FAF2: variants seen among roughly 807,000 people sequenced by gnomAD.
FAF2 encodes the protein FAS-associated factor 2.
In FAF2, 9 loss-of-function variants were observed where a neutral mutation model predicts 62.3. That is an observed-to-expected ratio of 0.14 (90% CI 0.09 to 0.25). The LOEUF (loss-of-function observed/expected upper bound fraction) is 0.25, where lower values mean the gene tolerates loss of function less well. Among genes scored for constraint, FAF2 ranks in the 10% least tolerant of loss-of-function variants. The pLI is 1.00. For synonymous variants in FAF2, 202 were observed against 198.0 expected (o/e 1.02, Z -0.17); for missense variants, 368 against 556.2 (o/e 0.66, Z 3.40).
intron 1 of FAF2, among the ~76,000 whole-genome samples, chr5:176,477,534 A>G (rs772291296): frequency 3.9e-5 from 6 of 152,206 alleles, no homozygotes; most frequent in Non-Finnish European, 7.3e-5. Flanking sequence ...AGAGTCCTGT[A>G]ATGGTCAGGA....
intron 1 of FAF2, among the ~76,000 whole-genome samples, chr5:176,473,729 G>A (rs114032953): frequency 0.015 from 2,236 of 152,136 alleles, 51 homozygotes; most frequent in African/African-American, 0.051. Context: ...AAAATTGTTC[G>A]AGCTTTAGTC....
At chr5:176,457,223 G>C (rs1394301561) in intron 1 of FAF2, among the ~76,000 whole-genome samples, 2 of 152,028 alleles carry the variant, frequency 1.3e-5, no homozygotes, top group Non-Finnish European at 2.9e-5. Context: ...GAGTTTCGCT[G>C]TTGTCCCCAG....
chr5:176,468,326 T>C (rs963054400), intron 1 of FAF2, among the ~76,000 whole-genome samples: 2 of 152,210 alleles, frequency 1.3e-5, no homozygotes, highest in African/African-American at 2.4e-5. Context: ...GGCTCATGCC[T>C]ATAATCCCAG....
Position 176,496,473 on chromosome 5 carries a change from G to A in FAF2, c.662-13G>A. The A allele has an allele frequency of 1.3e-5, 20 of 1,555,350 alleles. No individual in the cohort carries two copies. Among genetic ancestry groups the A allele is most frequent in the Non-Finnish European group, 1.6e-5 (19 of 1,152,760 alleles). On this transcript the variant is annotated splice_polypyrimidine_tract_variant and intron_variant, in intron 7 of 10. Coordinates refer to ENST00000261942, the MANE Select transcript of FAF2 (RefSeq NM_014613.3). ...TCAAGTCCTGCCCTTGATCTGTTGG[G>A]TCTTTTTATCAGTCTCACAGGCTTT...
chr5:176,502,851 C>T (rs983320061), intron 10 of FAF2, among the ~76,000 whole-genome samples: 22 of 151,716 alleles, frequency 1.5e-4, no homozygotes, highest in Non-Finnish European at 2.6e-4. Flanking sequence ...AGTTCCAAAC[C>T]AGCCTGGCCA....
At position 176,494,028 on chromosome 5, in the gene FAF2, C is replaced by A. The variant is rs759222479; in HGVS notation, c.513C>A (p.Arg171=). The change falls in exon 6 of 11, where the codon CGC becomes CGA. Residue 171 remains arginine (R), a synonymous_variant. Coordinates refer to ENST00000261942, the MANE Select transcript of FAF2 (RefSeq NM_014613.3). This position sits in a 1 kb window ranked among gnomAD's most constrained non-coding sequence, Gnocchi z 4.0. ...QALNDAKREL[R]FLLVYLHGDD... ...TTAACGATGCCAAAAGGGAGCTTCG[C>A]TTTCTTTTGGTTTATCTTCATGGAG... The A allele has an allele frequency of 6.2e-7, 1 of 1,613,996 alleles. No homozygotes were observed. Among genetic ancestry groups the A allele is most frequent in the South Asian group, 1.1e-5 (1 of 91,062 alleles).
intron 1 of FAF2, among the ~76,000 whole-genome samples, chr5:176,467,117 GT>G (rs71583546): frequency 6.1e-3 from 712 of 117,572 alleles, no homozygotes; most frequent in Middle Eastern, 0.016. Flanking sequence ...CCCAATGGCT[GT>G]TTTTTTTTTC....
In FAF2 at chr5:176,467,734, T is replaced by G. The variant is rs28712096; in HGVS notation, c.64-11454T>G. ...ACTTTGACATAATTCTTTTCAAAGA[T>G]TCAGTATTCTCAATTGATAATGGGC... is the stretch of plus-strand genomic sequence containing the variant. On this transcript the variant is annotated intron_variant, in intron 1 of 10. Transcript: ENST00000261942. 5.5e-3 allele frequency among the ~76,000 whole-genome samples: 835 copies of G among 152,368 alleles called. 8 individuals are homozygous for G. The highest frequency in any genetic ancestry group is 0.018 in the African/African-American group (760 of 41,586).
At chr5:176,478,010 T>C (rs1160386953) in intron 1 of FAF2, among the ~76,000 whole-genome samples, 1 of 152,186 alleles carries the variant, frequency 6.6e-6, no homozygotes, top group African/African-American at 2.4e-5. Context: ...CTGTACAGAA[T>C]AGGCATGTAG....
intron 3 of FAF2, among the ~76,000 whole-genome samples, chr5:176,488,699 A>T (rs1448965957): frequency 4.6e-5 from 7 of 152,180 alleles, no homozygotes; most frequent in Non-Finnish European, 8.8e-5. Context: ...CTGGGATTAC[A>T]GGCAGGAGAT....
At chr5:176,480,756 T>G (rs1250474059) in intron 2 of FAF2, among the ~76,000 whole-genome samples, 1 of 140,142 alleles carries the variant, frequency 7.1e-6, no homozygotes, top group Non-Finnish European at 1.5e-5. Flanking sequence ...AATTTCAGTT[T>G]GTAATAAATG....
rs770224842 is a variant in FAF2, at chr5:176,499,129, G to A, written c.1011+44G>A. 3.5e-5 allele frequency: 52 copies of A among 1,505,740 alleles called. No individual in the cohort carries two copies. In the South Asian group the frequency reaches 4.6e-4, roughly 13 times the overall value. 93.3% of individuals were successfully genotyped at this position (1,505,740 alleles called of 1,614,324 possible). A position where few individuals can be genotyped will look rare whatever the true frequency, so the allele number is the denominator to read the frequency against. ...TACTCCCTGTGGTTCCCAAACTGCC[G>A]AGACTTTGCCATCTTGGTCTTAAGT... is the stretch of plus-strand genomic sequence containing the variant. On this transcript the variant is annotated intron_variant, in intron 9 of 10. Transcript: ENST00000261942.
intron 1 of FAF2, among the ~76,000 whole-genome samples, chr5:176,461,510 T>C (rs1028793798): frequency 4.0e-5 from 6 of 151,576 alleles, no homozygotes; most frequent in Non-Finnish European, 1.5e-5. Flanking sequence ...TTTTTTTTTT[T>C]AGAGATAGGG....
chr5:176,480,824 G>A (rs967754959), intron 2 of FAF2, among the ~76,000 whole-genome samples: 2 of 151,502 alleles, frequency 1.3e-5, no homozygotes, highest in East Asian at 1.9e-4. Context: ...GGGGGGCTAG[G>A]GGAGGGATAG....
chr5:176,451,191 C>T (rs1758160041), intron 1 of FAF2, among the ~76,000 whole-genome samples: 1 of 152,012 alleles, frequency 6.6e-6, no homozygotes, highest in Non-Finnish European at 1.5e-5. Flanking sequence ...GCCAACATGG[C>T]AAAACCTCGT....
At chr5:176,479,398 A>G in intron 2 of FAF2, 142 bp downstream of exon 2, 1 of 679,560 alleles carries the variant, frequency 1.5e-6, no homozygotes, top group Non-Finnish European at 2.5e-6. Context: ...CAGGAAGGTA[A>G]AGAATGTGAG....
At chr5:176,457,337 C>T (rs1208017498) in intron 1 of FAF2, among the ~76,000 whole-genome samples, 3 of 151,962 alleles carry the variant, frequency 2.0e-5, no homozygotes, top group African/African-American at 7.2e-5. Context: ...TATAGGCGCC[C>T]ACCACCACTT....
chr5:176,488,871 G>A (rs907732247), intron 3 of FAF2, 80 bp from the exon 4 acceptor site: 3 of 1,138,254 alleles, frequency 2.6e-6, no homozygotes, highest in African/African-American at 1.5e-5. Flanking sequence ...ACCAAAAAGA[G>A]TGAGAAAATC....
intron 1 of FAF2, among the ~76,000 whole-genome samples, chr5:176,451,380 A>AT (rs1340300063): frequency 2.6e-5 from 4 of 151,390 alleles, no homozygotes; most frequent in Admixed American, 6.6e-5. Flanking sequence ...CAAAAAAAAA[A>AT]TTTTTTTTTA....
Sources: gnomAD v4.1 joint callset for allele counts (sites outside exome capture counted in the v4.1 genomes callset) on GRCh38, gnomAD v4.1.1 for gene constraint, Gnocchi (gnomAD v3.1) non-coding constraint, MANE v1.5 for transcripts, NCBI Gene and HGNC (gene_info 2026-07-23, HGNC 2026-07-21) for gene names.